Variants in BMP5 observed in about 807,000 individuals in gnomAD.
BMP5 encodes the protein bone morphogenetic protein 5.
A neutral mutation model predicts 46.6 loss-of-function variants in BMP5; 23 were observed. The ratio of observed to expected loss-of-function variants is 0.49; its 90% confidence interval spans 0.35 to 0.70. The LOEUF is 0.70. Ranked by LOEUF, BMP5 falls within the 30% of genes least tolerant of loss-of-function variation. BMP5 has a pLI of 0.00. For missense variants in BMP5, 545 were observed against 565.6 expected (o/e 0.96, Z 0.37); for synonymous variants, 204 against 191.9 (o/e 1.06, Z -0.52).
At position 55,755,362 on chromosome 6, in the gene BMP5, T is replaced by C; in HGVS notation, c.*171A>G. ...GATAAAGCCTCCACAGAAGAGAATA[T>C]ATACGTTTAAATAAATAAAAATGAC... On this transcript the variant is annotated 3_prime_UTR_variant, in exon 7 of 7. Coordinates refer to ENST00000370830, the MANE Select transcript of BMP5 (RefSeq NM_021073.4). The C allele has an allele frequency of 4.8e-6, 3 of 623,400 alleles. No individual in the cohort carries two copies. The highest frequency in any genetic ancestry group is 5.6e-6 in the Non-Finnish European group (2 of 360,124). The allele number at this position is 623,400 out of a possible 1,614,324, so 38.6% of individuals were successfully genotyped here. A position where few individuals can be genotyped will look rare whatever the true frequency, so the allele number is the denominator to read the frequency against.
intron 3 of BMP5, among the ~76,000 whole-genome samples, chr6:55,791,912 C>A (rs1029272100): frequency 1.3e-5 from 2 of 152,150 alleles, no homozygotes; most frequent in African/African-American, 4.8e-5. Context: ...AGGGAAGGAA[C>A]GATTGGCTTA....
At chr6:55,867,231 G>A (rs1777666657) in intron 1 of BMP5, among the ~76,000 whole-genome samples, 1 of 152,164 alleles carries the variant, frequency 6.6e-6, no homozygotes, top group South Asian at 2.1e-4. Flanking sequence ...AGTATCTAAG[G>A]ATTAGATGCA....
intron 1 of BMP5, among the ~76,000 whole-genome samples, chr6:55,849,460 CA>C (rs1747881274): frequency 6.6e-6 from 1 of 151,992 alleles, no homozygotes; most frequent in Non-Finnish European, 1.5e-5. Flanking sequence ...AATTTACTAA[CA>C]TGAGAGTAAG....
intron 4 of BMP5, among the ~76,000 whole-genome samples, chr6:55,768,644 G>T (rs1268090514): frequency 5.9e-5 from 9 of 151,928 alleles, no homozygotes; most frequent in Admixed American, 5.9e-4. Flanking sequence ...AATCACCATG[G>T]ATGTAGGCAG....
chr6:55,856,832 T>A (rs1777411390), intron 1 of BMP5, among the ~76,000 whole-genome samples: 1 of 152,106 alleles, frequency 6.6e-6, no homozygotes, highest in African/African-American at 2.4e-5. Flanking sequence ...ATTAATTGTA[T>A]TATTTAAGTA....
chr6:55,821,354 G>T (rs1237756138), intron 1 of BMP5, among the ~76,000 whole-genome samples: 1 of 152,122 alleles, frequency 6.6e-6, no homozygotes, highest in East Asian at 1.9e-4. Flanking sequence ...CAGGCATACA[G>T]AAAAATGTAG....
rs371327187 is a variant in BMP5, at chr6:55,757,479, T to C, written c.1215+1526A>G. On this transcript the variant is annotated intron_variant, in intron 6 of 6. Transcript: ENST00000370830. The stretch of plus-strand genomic sequence containing the variant: ...TTTCATGTCAACATGAATTCTCATA[T>C]ACAAAGAGAAAAGTTAGCTTCTTAA... Among the ~76,000 whole-genome samples, 5 of 152,010 alleles carry C rather than the reference T, an allele frequency of 3.3e-5. No individual in the cohort carries two copies. In the East Asian group the frequency reaches 7.7e-4, roughly 24 times the overall value.
In BMP5 at chr6:55,755,678, T is replaced by C. The variant is rs765141727; in HGVS notation, c.1220A>G (p.His407Arg). 3 of 1,611,892 alleles carry C rather than the reference T, an allele frequency of 1.9e-6. No homozygotes were observed. Among genetic ancestry groups the C allele is most frequent in the South Asian group, 2.2e-5 (2 of 90,994 alleles). ...TGGTACGTGGTCAGGAAACATCAGATGAACCTGGGAAAGAAAAAAGGTTTT... is the reference window on the plus strand; with the variant it reads ...TGGTACGTGGTCAGGAAACATCAGACGAACCTGGGAAAGAAAAAAGGTTTT... ...TNHAIVQTLVHLMFPDHVPKP... is the reference protein window; with the variant it reads ...TNHAIVQTLVRLMFPDHVPKP... The change falls in exon 7 of 7, where the codon CAT becomes CGT. Residue 407 changes from histidine (H) to arginine (R), a missense_variant. Coordinates refer to ENST00000370830, the MANE Select transcript of BMP5 (RefSeq NM_021073.4).
chr6:55,788,412 C>A (rs1775498693), intron 3 of BMP5, among the ~76,000 whole-genome samples: 1 of 151,722 alleles, frequency 6.6e-6, no homozygotes, highest in African/African-American at 2.4e-5. Flanking sequence ...ACATAACTGC[C>A]TATATACTCT....
At chr6:55,776,272 C>T (rs1320188959) in intron 3 of BMP5, among the ~76,000 whole-genome samples, 1 of 151,894 alleles carries the variant, frequency 6.6e-6, no homozygotes, top group African/African-American at 2.4e-5. Flanking sequence ...ATTAATTCAG[C>T]TCAGACTTCC....
chr6:55,789,203 A>G (rs1358859152), intron 3 of BMP5, among the ~76,000 whole-genome samples: 1 of 151,990 alleles, frequency 6.6e-6, no homozygotes, highest in East Asian at 1.9e-4. Flanking sequence ...CTTGATGTAT[A>G]AGCAAGTTTG....
intron 2 of BMP5, among the ~76,000 whole-genome samples, chr6:55,815,628 C>G (rs1776242609): frequency 6.6e-6 from 1 of 151,862 alleles, no homozygotes; most frequent in African/African-American, 2.4e-5. Flanking sequence ...GTAGCAGAAA[C>G]ATTAAGAGTA....
intron 1 of BMP5, among the ~76,000 whole-genome samples, chr6:55,852,206 T>C (rs897786436): frequency 1.3e-5 from 2 of 152,112 alleles, no homozygotes; most frequent in African/African-American, 4.8e-5. Context: ...AAATGTACAT[T>C]AAAATTTGGT....
At chr6:55,818,556 A>T (rs182002271) in intron 2 of BMP5, among the ~76,000 whole-genome samples, 57 of 152,304 alleles carry the variant, frequency 3.7e-4, no homozygotes, top group Admixed American at 9.8e-4. Flanking sequence ...AAAAAATTTT[A>T]AAAAAGACTT....
chr6:55,787,617 C>T (rs541918007), intron 3 of BMP5, among the ~76,000 whole-genome samples: 1 of 151,612 alleles, frequency 6.6e-6, no homozygotes, highest in East Asian at 1.9e-4. Context: ...AAAGATGAAT[C>T]CTGTTCTTTG....
At chr6:55,790,793 A>C (rs1775557506) in intron 3 of BMP5, among the ~76,000 whole-genome samples, 1 of 152,046 alleles carries the variant, frequency 6.6e-6, no homozygotes, top group African/African-American at 2.4e-5. Context: ...TTTCAAGGCC[A>C]CCGCTACCAT....
At chr6:55,806,751 G>A (rs1456274623) in intron 2 of BMP5, among the ~76,000 whole-genome samples, 1 of 152,154 alleles carries the variant, frequency 6.6e-6, no homozygotes, top group Non-Finnish European at 1.5e-5. Context: ...TCCTTGAGTA[G>A]TAGTTTGTAG....
intron 1 of BMP5, among the ~76,000 whole-genome samples, chr6:55,841,129 A>G (rs1314953764): frequency 6.6e-6 from 1 of 152,206 alleles, no homozygotes; most frequent in African/African-American, 2.4e-5. Context: ...ATGGTCTGAG[A>G]TGGAACAACA....
At chr6:55,798,802 T>G (rs61504599) in intron 2 of BMP5, among the ~76,000 whole-genome samples, 1 of 152,174 alleles carries the variant, frequency 6.6e-6, no homozygotes, top group South Asian at 2.1e-4. Context: ...ACATGGGCTA[T>G]TGGTATGTTT....
Sources: gnomAD v4.1 joint callset for allele counts (sites outside exome capture counted in the v4.1 genomes callset) on GRCh38, gnomAD v4.1.1 for gene constraint, MANE v1.5 for transcripts, NCBI Gene and HGNC (gene_info 2026-07-23, HGNC 2026-07-21) for gene names.